Variants in SHPRH observed in about 807,000 individuals in gnomAD.
SHPRH encodes the protein E3 ubiquitin-protein ligase SHPRH.
A neutral mutation model predicts 202.5 loss-of-function variants in SHPRH; 106 were observed. The observed-to-expected ratio is 0.52, with a 90% CI of 0.45 to 0.62. The LOEUF (loss-of-function observed/expected upper bound fraction) is 0.62, where lower values mean the gene tolerates loss of function less well. SHPRH is among the 20% of genes least tolerant of loss of function. The pLI, the probability that SHPRH is intolerant of heterozygous loss-of-function variation, is 0.00. For synonymous variants in SHPRH, 729 were observed against 686.0 expected (o/e 1.06, Z -0.98); for missense variants, 1,710 against 2,020.0 (o/e 0.85, Z 2.94).
rs1045572872 is a variant in SHPRH, at chr6:145,935,018, C to A, written c.2879G>T (p.Ser960Ile). 2 of 1,613,940 alleles carry A rather than the reference C, an allele frequency of 1.2e-6. No individual in the cohort carries two copies. The highest frequency in any genetic ancestry group is 2.7e-5 in the African/African-American group (2 of 74,906). Residue 960 changes from serine (S) to isoleucine (I), a missense_variant, in exon 13 of 30, where the codon AGC (serine) becomes ATC (isoleucine). This residue lies in a region of SHPRH where 277 missense variants were observed against 363.0 expected (regional missense o/e 0.76). Coordinates refer to ENST00000275233, the MANE Select transcript of SHPRH (RefSeq NM_001042683.3). Reference sequence around the variant, plus strand: ...GGTGACAGTCCTTCTGTCTAGGCTGCTGAGCTTCAGAGCCCAGTCAGAAAT... The same window carrying A: ...GGTGACAGTCCTTCTGTCTAGGCTGATGAGCTTCAGAGCCCAGTCAGAAAT... ...RKISDWALKL[S>I]SLDRRTVTSI...
chr6:145,941,872 T>C lies in SHPRH; in HGVS notation c.2241A>G (p.Val747=). The C allele has an allele frequency of 6.2e-7, 1 of 1,613,314 alleles. No homozygotes were observed. The highest frequency in any genetic ancestry group is 8.5e-7 in the Non-Finnish European group (1 of 1,179,634). ...HVRSSSLRVL[V]YQGVKKDGFL... is the part of the protein sequence containing the mutation. ...AGCCATCTTTCTTCACTCCTTGATA[T>C]ACCTAGGAAATAATCAATACAGGCA... is the stretch of plus-strand genomic sequence containing the variant. The change falls in exon 10 of 30, where the codon GTA becomes GTG. Residue 747 remains valine (V), a splice_region_variant and synonymous_variant. Transcript: ENST00000275233.
At chr6:145,952,256 T>TA in intron 3 of SHPRH, 93 bp downstream of exon 3, 2 of 1,102,376 alleles carry the variant, frequency 1.8e-6, no homozygotes, top group Non-Finnish European at 2.5e-6. Flanking sequence ...ATGGCTTTAT[T>TA]AGCTGTTTTT....
Position 145,914,636 on chromosome 6 carries a change from T to G in SHPRH, c.4255-1087A>C, listed in dbSNP as rs532471490. On this transcript the variant is annotated intron_variant, in intron 23 of 29. Coordinates refer to ENST00000275233, the MANE Select transcript of SHPRH (RefSeq NM_001042683.3). Reference sequence around the variant, plus strand: ...GCAGATCCTTAAGTTAAAGAAGTTATAAATTTTCCTCTAAGCACTGTCACA... The same window carrying G: ...GCAGATCCTTAAGTTAAAGAAGTTAGAAATTTTCCTCTAAGCACTGTCACA... 5.9e-5 allele frequency among the ~76,000 whole-genome samples: 9 copies of G among 152,284 alleles called. No individual in the cohort carries two copies. In the South Asian group the frequency reaches 1.9e-3, roughly 32 times the overall value.
At chr6:145,958,693 C>A (rs973057416) in intron 1 of SHPRH, among the ~76,000 whole-genome samples, 2 of 152,114 alleles carry the variant, frequency 1.3e-5, no homozygotes, top group Non-Finnish European at 2.9e-5. Flanking sequence ...CATGTGACTA[C>A]TTAACTTTCA....
At position 145,893,335 on chromosome 6, in the gene SHPRH, T is replaced by A; in HGVS notation, c.4754A>T (p.His1585Leu). Reference sequence around the variant, plus strand: ...GATAGTTAATCCATTAGAACCTGTGTGCAGGGGCAGCAGCAAAATATTGAT... The same window carrying A: ...GATAGTTAATCCATTAGAACCTGTGAGCAGGGGCAGCAGCAAAATATTGAT... ...PQINILLLPL[H>L]TGSNGLTIIE... is the part of the protein sequence containing the mutation. Residue 1585 changes from histidine to leucine, a missense_variant, in exon 28 of 30, where the codon CAC becomes CTC. His to Leu is a moderately conservative substitution (Grantham distance 99). Around this residue, in one of 8 missense-constraint regions of SHPRH, gnomAD observed 306 missense variants for 479.5 expected, o/e 0.64. Coordinates refer to ENST00000275233, the MANE Select transcript of SHPRH (RefSeq NM_001042683.3). 1 of 1,602,546 alleles carries A rather than the reference T, an allele frequency of 6.2e-7. No individual in the cohort carries two copies. The highest frequency in any genetic ancestry group is 8.5e-7 in the Non-Finnish European group (1 of 1,175,618).
intron 23 of SHPRH, among the ~76,000 whole-genome samples, chr6:145,915,725 G>A (rs905312917): frequency 4.6e-5 from 7 of 151,858 alleles, no homozygotes; most frequent in African/African-American, 1.7e-4. Flanking sequence ...AGTATTAAAT[G>A]TTTTATCTCT....
At chr6:145,916,865 C>T (rs183179625) in intron 23 of SHPRH, among the ~76,000 whole-genome samples, 2 of 152,214 alleles carry the variant, frequency 1.3e-5, no homozygotes, top group East Asian at 1.9e-4. Context: ...TCACTGCAAC[C>T]TCTGTCTCCC....
At chr6:145,913,907 T>G (rs779317584) in intron 23 of SHPRH, among the ~76,000 whole-genome samples, 3 of 152,156 alleles carry the variant, frequency 2.0e-5, no homozygotes, top group Non-Finnish European at 2.9e-5. Context: ...ATTTTCAGAT[T>G]AGGCATTTAA....
rs918391627 is a variant in SHPRH, at chr6:145,947,666, T to C, written c.1062-23A>G. ...ATGCTGAGGAAAAAAACAAGATAAATCACATCATAGGAATGTGAATACAAA... is the reference window on the plus strand; with the variant it reads ...ATGCTGAGGAAAAAAACAAGATAAACCACATCATAGGAATGTGAATACAAA... On this transcript the variant is annotated intron_variant, in intron 5 of 29. Transcript: ENST00000275233. The C allele has an allele frequency of 3.1e-6, 5 of 1,610,732 alleles. No individual in the cohort carries two copies. In the Admixed American group the frequency reaches 5.0e-5, roughly 16 times the overall value.
intron 17 of SHPRH, among the ~76,000 whole-genome samples, chr6:145,924,196 C>T (rs1784671223): frequency 6.6e-6 from 1 of 151,740 alleles, no homozygotes; most frequent in Non-Finnish European, 1.5e-5. Context: ...ATGAATAATC[C>T]ACAATAACTC....
downstream of SHPRH, among the ~76,000 whole-genome samples, chr6:145,861,807 A>C (rs1779589562): frequency 6.6e-6 from 1 of 152,198 alleles, no homozygotes; most frequent in Admixed American, 6.5e-5. Flanking sequence ...ACATACACAC[A>C]GTGGGATATT....
At chr6:145,926,102 T>C in intron 16 of SHPRH, 102 bp downstream of exon 16, 1 of 1,046,068 alleles carries the variant, frequency 9.6e-7, no homozygotes, top group Non-Finnish European at 1.4e-6. Flanking sequence ...AAAACATGAT[T>C]ACATTTATTT....
intron 2 of SHPRH, among the ~76,000 whole-genome samples, chr6:145,867,627 TATATAGAGAGAGAGAGAG>T (rs1175890701): frequency 9.1e-4 from 49 of 53,796 alleles, no homozygotes; most frequent in African/African-American, 4.7e-3. Context: ...TATATATATA[TATATAGAGAGAGAGAGAG>T]AGAGAGAGAG....
intron 2 of SHPRH, among the ~76,000 whole-genome samples, chr6:145,865,511 T>A (rs1388430091): frequency 6.6e-6 from 1 of 152,332 alleles, no homozygotes; most frequent in South Asian, 2.1e-4. Flanking sequence ...TCTATGGTAT[T>A]TTGTTATGGC....
intron 2 of SHPRH, among the ~76,000 whole-genome samples, chr6:145,872,393 C>T (rs138476162): frequency 3.9e-5 from 6 of 152,086 alleles, no homozygotes; most frequent in Non-Finnish European, 8.8e-5. Context: ...CATGAACAGA[C>T]ACTTCTCAAA....
chr6:145,859,484 G>A (rs1172467869), downstream of SHPRH, among the ~76,000 whole-genome samples: 2 of 151,930 alleles, frequency 1.3e-5, no homozygotes, highest in Admixed American at 6.6e-5. Context: ...TCGATGAGTG[G>A]AGATATTGAC....
At chr6:145,858,983 A>G in the SHPRH span, among the ~76,000 whole-genome samples, 6 of 152,086 alleles carry the variant, frequency 3.9e-5, no homozygotes, top group East Asian at 1.2e-3. Flanking sequence ...ATTAGTCTGT[A>G]TTTTTATGTA....
chr6:145,950,382 C>A lies in SHPRH; in HGVS notation c.864G>T (p.Thr288=), dbSNP rs778391683. Residue 288 remains threonine, a synonymous_variant, in exon 4 of 30, where the codon ACG becomes ACT. Transcript: ENST00000275233. ...GCTGGACATCCACTTGGATGGACTG[C>A]GTTTCTTGCTGATGTGTTTGTTTCA... The part of the protein sequence containing the change: ...HFVKQTHQQE[T]QSIQVDVQHP... 2.4e-5 allele frequency: 39 copies of A among 1,613,256 alleles called. No homozygotes were observed. In the South Asian group the frequency reaches 4.3e-4, roughly 18 times the overall value.
At chr6:145,925,367 CACAT>C (rs982454000) in intron 16 of SHPRH, among the ~76,000 whole-genome samples, 10 of 150,508 alleles carry the variant, frequency 6.6e-5, no homozygotes, top group African/African-American at 2.4e-4. Flanking sequence ...CACACACACA[CACAT>C]GCATGCAATA....
Sources: gnomAD v4.1 joint callset for allele counts (sites outside exome capture counted in the v4.1 genomes callset) on GRCh38, gnomAD v4.1.1 for gene constraint, gnomAD v4.1.1 regional missense constraint, MANE v1.5 for transcripts, NCBI Gene and HGNC (gene_info 2026-07-23, HGNC 2026-07-21) for gene names.